NLRP5: variants seen among roughly 807,000 people sequenced by gnomAD.
The protein encoded by NLRP5 is NLR family pyrin domain containing 5.
NLRP5 carries 93 observed loss-of-function variants against 113.1 expected under a neutral mutation model. The observed-to-expected ratio is 0.82, with a 90% confidence interval of 0.70 to 0.98. NLRP5 has a LOEUF of 0.98. Among genes scored for constraint, NLRP5 ranks in the 50% least tolerant of loss-of-function variants. The probability of loss-of-function intolerance (pLI) is 0.00; values close to 1 mark genes in which losing one functional copy is unlikely to be tolerated. For synonymous variants in NLRP5, 751 were observed against 600.7 expected (o/e 1.25, Z -3.66); for missense variants, 1,808 against 1,514.3 (o/e 1.19, Z -3.22).
At chr19:56,049,387 G>A (rs1336572572) in intron 11 of NLRP5, among the ~76,000 whole-genome samples, 1 of 152,010 alleles carries the variant, frequency 6.6e-6, no homozygotes, top group East Asian at 1.9e-4. Context: ...CTCCATGTTG[G>A]TCAGGCTGGT....
At chr19:56,016,799 A>G (rs904430175) in intron 4 of NLRP5, among the ~76,000 whole-genome samples, 2 of 152,066 alleles carry the variant, frequency 1.3e-5, no homozygotes, top group African/African-American at 4.8e-5. Context: ...GAGCTGAATA[A>G]CCCATTGTGT....
In NLRP5 at chr19:56,028,196, T is replaced by G; in HGVS notation, c.1963T>G (p.Cys655Gly). Reference sequence around the variant, plus strand: ...GAGGCCACTGGAGGTCCTGCTGGGCTGTCCCGTTCCCCTGGGGGTGAAGCA... The same window carrying G: ...GAGGCCACTGGAGGTCCTGCTGGGCGGTCCCGTTCCCCTGGGGGTGAAGCA... The change falls in exon 7 of 15, where the codon TGT becomes GGT. Residue 655 changes from cysteine to glycine, a missense_variant. Physicochemically the swap from Cys to Gly is radical, Grantham distance 159. Coordinates refer to ENST00000390649, the MANE Select transcript of NLRP5 (RefSeq NM_153447.4). The G allele has an allele frequency of 1.2e-6, 2 of 1,613,982 alleles. No individual in the cohort carries two copies. Among genetic ancestry groups the G allele is most frequent in the Non-Finnish European group, 1.7e-6 (2 of 1,179,906 alleles).
At chr19:55,994,597 C>T in the NLRP5 span, among the ~76,000 whole-genome samples, 2 of 152,154 alleles carry the variant, frequency 1.3e-5, no homozygotes, top group Non-Finnish European at 2.9e-5. Flanking sequence ...GGAGTTTCAC[C>T]ATGTTGGCCA....
chr19:55,999,601 A>G (rs1599873850), upstream of NLRP5: 28 of 750,336 alleles, frequency 3.7e-5, no homozygotes, highest in East Asian at 7.1e-4. Flanking sequence ...AGCCCTTCCG[A>G]CCGGCTCACT....
At chr19:56,007,397 C>T (rs2123274552) in intron 2 of NLRP5, among the ~76,000 whole-genome samples, 1 of 149,074 alleles carries the variant, frequency 6.7e-6, no homozygotes, top group South Asian at 2.1e-4. Context: ...GTTCCTATTC[C>T]AGATGAGAGG....
At chr19:56,010,022 G>T (rs1231422527) in intron 3 of NLRP5, among the ~76,000 whole-genome samples, 2 of 152,152 alleles carry the variant, frequency 1.3e-5, no homozygotes, top group African/African-American at 4.8e-5. Flanking sequence ...ACCAAATGGT[G>T]GCTTAGAGCG....
At chr19:55,995,825 T>A (rs1981306738), upstream of NLRP5, among the ~76,000 whole-genome samples, 1 of 152,134 alleles carries the variant, frequency 6.6e-6, no homozygotes, top group Admixed American at 6.6e-5. Flanking sequence ...TCTAGGTACA[T>A]TTTTGTAGCT....
At chr19:55,989,416 C>G in the NLRP5 span, among the ~76,000 whole-genome samples, 1 of 152,116 alleles carries the variant, frequency 6.6e-6, no homozygotes, top group African/African-American at 2.4e-5. Context: ...CCACGCCCGG[C>G]TAATTTTCAT....
chr19:55,993,786 GA>G, the NLRP5 span, among the ~76,000 whole-genome samples: 43,625 of 150,162 alleles, frequency 0.29, 7,131 homozygotes, highest in East Asian at 0.45. Flanking sequence ...TAGCTCACAT[GA>G]AGAGCTACAG....
At chr19:56,014,805 T>G (rs1982343333) in intron 3 of NLRP5, among the ~76,000 whole-genome samples, 1 of 152,200 alleles carries the variant, frequency 6.6e-6, no homozygotes, top group Non-Finnish European at 1.5e-5. Flanking sequence ...CCACACTGAC[T>G]TAACTACTAT....
chr19:56,005,334 T>C (rs1299425385), intron 2 of NLRP5, among the ~76,000 whole-genome samples: 1 of 138,184 alleles, frequency 7.2e-6, no homozygotes, highest in Non-Finnish European at 1.5e-5. Flanking sequence ...TATTTATATA[T>C]ACACATACAC....
At chr19:56,015,849 T>C in intron 4 of NLRP5, 51 bp downstream of exon 4, 1 of 1,418,122 alleles carries the variant, frequency 7.1e-7, no homozygotes, top group East Asian at 2.5e-5. Flanking sequence ...GAAAGTTGGG[T>C]GAGAGAAGTT....
At chr19:56,015,287 C>T (rs1360643995) in intron 3 of NLRP5, among the ~76,000 whole-genome samples, 3 of 152,158 alleles carry the variant, frequency 2.0e-5, no homozygotes, top group Non-Finnish European at 4.4e-5. Context: ...CCTCTGCCTC[C>T]TGGGTTCAGG....
chr19:56,051,490 G>A (rs529431168), intron 12 of NLRP5, among the ~76,000 whole-genome samples: 4 of 152,244 alleles, frequency 2.6e-5, no homozygotes, highest in South Asian at 2.1e-4. Flanking sequence ...ACTGCACCCC[G>A]CCAAGCACTT....
chr19:56,044,105 C>G (rs1186452592), intron 11 of NLRP5, among the ~76,000 whole-genome samples: 1 of 150,464 alleles, frequency 6.6e-6, no homozygotes, highest in Non-Finnish European at 1.5e-5. Context: ...GCTCTGTCAC[C>G]CAGGCTGGAG....
At chr19:56,037,006 A>G (rs922568085) in intron 9 of NLRP5, among the ~76,000 whole-genome samples, 1 of 152,170 alleles carries the variant, frequency 6.6e-6, no homozygotes, top group Non-Finnish European at 1.5e-5. Flanking sequence ...TGCCCTAGCC[A>G]GGTACTGGCC....
At chr19:56,035,400 G>A (rs393160) in intron 9 of NLRP5, among the ~76,000 whole-genome samples, 13,463 of 152,262 alleles carry the variant, frequency 0.088, 692 homozygotes, top group Non-Finnish European at 0.11. Flanking sequence ...GTCTCAGGAC[G>A]GAAATGCTGT....
At chr19:56,031,643 A>AT (rs1983119469) in intron 7 of NLRP5, among the ~76,000 whole-genome samples, 1 of 151,866 alleles carries the variant, frequency 6.6e-6, no homozygotes, top group Non-Finnish European at 1.5e-5. Flanking sequence ...AAAAAAAAAA[A>AT]AAATGTAGAC....
In NLRP5 at chr19:56,027,472, C is replaced by T. The variant is rs879251132; in HGVS notation, c.1239C>T (p.Gly413=). 7 of 1,613,824 alleles carry T rather than the reference C, an allele frequency of 4.3e-6. No individual in the cohort carries two copies. The highest frequency in any genetic ancestry group is 5.9e-6 in the Non-Finnish European group (7 of 1,179,824). The change falls in exon 7 of 15, where the codon GGC becomes GGT. Residue 413 remains glycine (G), a synonymous_variant. Transcript: ENST00000390649. ...TGATCGTCACCGTCAGAGACGTGGGCACAGAGAAGCTCAAGTCAGAGGTCG... is the reference window on the plus strand; with the variant it reads ...TGATCGTCACCGTCAGAGACGTGGGTACAGAGAAGCTCAAGTCAGAGGTCG...
Sources: allele counts gnomAD v4.1 joint callset (sites outside exome capture counted in the v4.1 genomes callset), GRCh38; gene constraint gnomAD v4.1.1; transcripts MANE v1.5; gene names NCBI Gene and HGNC (gene_info 2026-07-23, HGNC 2026-07-21).